The following ROBO2 variants were observed in gnomAD, a reference collection of about 807,000 sequenced individuals.
The protein encoded by ROBO2 is roundabout homolog 2.
ROBO2 carries 53 observed loss-of-function variants against 160.8 expected under a neutral mutation model. The observed-to-expected ratio is 0.33, with a 90% CI of 0.26 to 0.41. The LOEUF (loss-of-function observed/expected upper bound fraction) is 0.41, where lower values mean the gene tolerates loss of function less well. Ranked by LOEUF, ROBO2 falls within the 10% of genes least tolerant of loss-of-function variation. The probability of loss-of-function intolerance (pLI) is 1.00; values close to 1 mark genes in which losing one functional copy is unlikely to be tolerated. For synonymous variants in ROBO2, 664 were observed against 611.7 expected, an observed-to-expected ratio of 1.09 and a Z score of -1.26; for missense variants, 1,577 against 1,722.4, an observed-to-expected ratio of 0.92 and a Z score of 1.49.
chr3:76,819,386 G>A (rs912354421), intron 2 of ROBO2, among the ~76,000 whole-genome samples: 14 of 152,038 alleles, frequency 9.2e-5, no homozygotes, highest in Admixed American at 4.6e-4. Context: ...CCCTTGTTAA[G>A]CTAAACCTTC....
chr3:76,798,272 GAA>G (rs1340166522), intron 2 of ROBO2, among the ~76,000 whole-genome samples: 1 of 130,598 alleles, frequency 7.7e-6, no homozygotes, highest in African/African-American at 3.0e-5. Context: ...AAGAAAGAAA[GAA>G]AGAAAGAAAG....
intron 2 of ROBO2, among the ~76,000 whole-genome samples, chr3:76,954,214 T>C (rs755374732): frequency 6.6e-6 from 1 of 152,364 alleles, no homozygotes; most frequent in South Asian, 2.1e-4. Flanking sequence ...GAAGTGTACC[T>C]ACCAATGTGT....
intron 2 of ROBO2, among the ~76,000 whole-genome samples, chr3:75,991,494 TCTC>T (rs2065568566): frequency 6.6e-6 from 1 of 152,134 alleles, no homozygotes; most frequent in South Asian, 2.1e-4. Flanking sequence ...GAAGTGATCT[TCTC>T]CTCCTTGCCT....
chr3:76,800,734 G>A (rs528319295), intron 2 of ROBO2, among the ~76,000 whole-genome samples: 2 of 152,298 alleles, frequency 1.3e-5, no homozygotes, highest in South Asian at 4.1e-4. Context: ...AAATGCTGGT[G>A]GGGGTATGGA....
chr3:76,582,824 C>T (rs906115905), intron 2 of ROBO2, among the ~76,000 whole-genome samples: 6 of 152,064 alleles, frequency 3.9e-5, no homozygotes, highest in Admixed American at 2.0e-4. Flanking sequence ...TCAGATAACA[C>T]AAATGTTGAC....
At chr3:77,552,975 G>A (rs1051197701) in intron 8 of ROBO2, among the ~76,000 whole-genome samples, 6 of 151,906 alleles carry the variant, frequency 3.9e-5, no homozygotes, top group Non-Finnish European at 5.9e-5. Flanking sequence ...GAATGAAAAC[G>A]TATGTCATGT....
chr3:76,031,423 G>A (rs940630113), intron 2 of ROBO2, among the ~76,000 whole-genome samples: 1 of 152,140 alleles, frequency 6.6e-6, no homozygotes, highest in African/African-American at 2.4e-5. Flanking sequence ...GTGAGAGAAG[G>A]CATCCCTGTC....
intron 2 of ROBO2, among the ~76,000 whole-genome samples, chr3:75,943,389 C>A: frequency 6.6e-6 from 1 of 152,106 alleles, no homozygotes; most frequent in South Asian, 2.1e-4. Context: ...TAAACACCAT[C>A]CCAAGTGATA....
chr3:77,319,983 G>A (rs1251989789), intron 2 of ROBO2, among the ~76,000 whole-genome samples: 1 of 152,136 alleles, frequency 6.6e-6, no homozygotes, highest in African/African-American at 2.4e-5. Context: ...ATTGATTTTT[G>A]TTGCTATACA....
At chr3:76,053,699 T>C (rs540844429) in intron 2 of ROBO2, among the ~76,000 whole-genome samples, 10 of 152,208 alleles carry the variant, frequency 6.6e-5, no homozygotes, top group African/African-American at 2.4e-4. Context: ...TACCATACAT[T>C]AAGATAAATG....
chr3:76,995,777 T>C (rs899725812), intron 2 of ROBO2, among the ~76,000 whole-genome samples: 1 of 152,218 alleles, frequency 6.6e-6, no homozygotes, highest in African/African-American at 2.4e-5. Context: ...TCATATCGTT[T>C]GCCCACTTTT....
chr3:76,026,220 A>G (rs1020052146), intron 2 of ROBO2, among the ~76,000 whole-genome samples: 1 of 151,912 alleles, frequency 6.6e-6, no homozygotes, highest in Non-Finnish European at 1.5e-5. Flanking sequence ...TTGTGACTCT[A>G]TTAGAGATTG....
At chr3:77,349,132 G>T (rs114696892) in intron 2 of ROBO2, among the ~76,000 whole-genome samples, 2 of 152,116 alleles carry the variant, frequency 1.3e-5, no homozygotes, top group Non-Finnish European at 2.9e-5. Context: ...CTAGATGAGA[G>T]CCTTGAATAT....
chr3:77,141,322 T>C (rs1055304714), intron 2 of ROBO2, among the ~76,000 whole-genome samples: 16 of 150,776 alleles, frequency 1.1e-4, no homozygotes, highest in African/African-American at 3.9e-4. Context: ...AGATGTACTC[T>C]TTTATAAACA....
At chr3:77,491,430 G>A (rs2086097287) in intron 4 of ROBO2, among the ~76,000 whole-genome samples, 2 of 152,102 alleles carry the variant, frequency 1.3e-5, no homozygotes, top group Admixed American at 6.6e-5. Context: ...AGAAGAAGTC[G>A]ATCCCGCTTC....
intron 2 of ROBO2, among the ~76,000 whole-genome samples, chr3:76,597,869 T>C (rs1398183577): frequency 6.6e-6 from 1 of 151,696 alleles, no homozygotes; most frequent in Non-Finnish European, 1.5e-5. Context: ...GCAAAGGATA[T>C]GAACTTGTTC....
At chr3:76,533,901 A>T (rs890836249) in intron 2 of ROBO2, among the ~76,000 whole-genome samples, 1 of 152,056 alleles carries the variant, frequency 6.6e-6, no homozygotes, top group Non-Finnish European at 1.5e-5. Context: ...TGGAGGGTCA[A>T]TCGGTGAAGG....
chr3:77,084,431 C>T (rs1225325625), intron 1 of ROBO2, among the ~76,000 whole-genome samples: 1 of 152,002 alleles, frequency 6.6e-6, no homozygotes, highest in African/African-American at 2.4e-5. Flanking sequence ...GAAATACCAC[C>T]CTGTTCGAAG....
chr3:76,941,116 C>T (rs534318291), intron 2 of ROBO2, among the ~76,000 whole-genome samples: 8 of 152,278 alleles, frequency 5.3e-5, no homozygotes, highest in African/African-American at 1.9e-4. Flanking sequence ...TCACCACCAT[C>T]ACTAAATCCT....
Sources: allele counts gnomAD v4.1 joint callset (sites outside exome capture counted in the v4.1 genomes callset), GRCh38; gene constraint gnomAD v4.1.1; transcripts MANE v1.5; gene names NCBI Gene and HGNC (gene_info 2026-07-23, HGNC 2026-07-21).